Variants in ZNF394 observed in about 807,000 individuals in gnomAD.
ZNF394 encodes the protein zinc finger protein 394.
In ZNF394, 19 loss-of-function variants were observed where a neutral mutation model predicts 21.8. The observed-to-expected ratio is 0.87, with a 90% CI of 0.61 to 1.28. The LOEUF (loss-of-function observed/expected upper bound fraction) is 1.28. Ranked by LOEUF, ZNF394 falls within the 50% of genes most tolerant of loss-of-function variation. ZNF394 has a pLI of 0.00. For synonymous variants in ZNF394, 294 were observed against 273.3 expected, an observed-to-expected ratio of 1.08 and a Z score of -0.75; for missense variants, 683 against 708.6, an observed-to-expected ratio of 0.96 and a Z score of 0.41.
chr7:99,499,901 G>C lies in ZNF394; in HGVS notation c.193C>G (p.Leu65Val). The C allele has an allele frequency of 6.2e-7, 1 of 1,614,158 alleles. No homozygotes were observed. The highest frequency in any genetic ancestry group is 8.5e-7 in the Non-Finnish European group (1 of 1,180,036). The change falls in exon 1 of 3, where the codon CTG becomes GTG. Residue 65 changes from leucine to valine, a missense_variant. By Grantham distance (32) the Leu-to-Val change is conservative. Coordinates refer to ENST00000337673, the MANE Select transcript of ZNF394 (RefSeq NM_032164.4). ...AASPDPETSRLHFRQLRYQEV... is the reference protein window; with the variant it reads ...AASPDPETSRVHFRQLRYQEV... Reference sequence around the variant, plus strand: ...TGGTAACGCAGCTGCCTAAAGTGCAGTCGAGAAGTTTCGGGGTCCGGCGAA... The same window carrying C: ...TGGTAACGCAGCTGCCTAAAGTGCACTCGAGAAGTTTCGGGGTCCGGCGAA...
chr7:99,492,252 C>G (rs955339162), downstream of ZNF394, among the ~76,000 whole-genome samples: 1 of 151,932 alleles, frequency 6.6e-6, no homozygotes, highest in African/African-American at 2.4e-5. Flanking sequence ...TAGTTGAAAC[C>G]CTCTCTACAA....
chr7:99,492,508 G>A (rs916085209), downstream of ZNF394, among the ~76,000 whole-genome samples: 3 of 151,592 alleles, frequency 2.0e-5, no homozygotes, highest in Non-Finnish European at 4.4e-5. Flanking sequence ...GGCATGGCAT[G>A]GTGCACCTGT....
chr7:99,487,550 T>G (rs1382112550), intron 1 of ZNF394: 2 of 1,524,428 alleles, frequency 1.3e-6, no homozygotes, highest in Non-Finnish European at 1.8e-6. Context: ...CAAGTGTGTA[T>G]CACGTAATTG....
At chr7:99,487,163 G>T (rs1184945113) in intron 1 of ZNF394, 1 of 1,614,170 alleles carries the variant, frequency 6.2e-7, no homozygotes, top group South Asian at 1.1e-5. Context: ...TGCCTTGAGT[G>T]TGGAAAAGCC....
intron 1 of ZNF394, chr7:99,487,041 G>A: frequency 6.2e-7 from 1 of 1,613,950 alleles, no homozygotes; most frequent in Non-Finnish European, 8.5e-7. Flanking sequence ...AACATAAGAG[G>A]ATTCACACCA....
chr7:99,488,999 A>C (rs1800098793), downstream of ZNF394, among the ~76,000 whole-genome samples: 1 of 150,920 alleles, frequency 6.6e-6, no homozygotes, highest in South Asian at 2.1e-4. Context: ...AAGAGTTGTA[A>C]GTCAGCCCGG....
At chr7:99,497,879 CA>C (rs1800387179) in intron 2 of ZNF394, 1 of 151,976 alleles carries the variant, frequency 6.6e-6, no homozygotes, top group African/African-American at 2.4e-5. Flanking sequence ...CCCCCAAAGC[CA>C]AAGATAAAAA....
intron 2 of ZNF394, 62 bp from the exon 3 acceptor site, chr7:99,494,693 T>A: frequency 3.3e-6 from 5 of 1,509,078 alleles, no homozygotes; most frequent in Non-Finnish European, 8.8e-7. Flanking sequence ...AATAAGCAAG[T>A]GCTGGCAGAA....
chr7:99,490,146 C>CTTTTTT (rs943034221), downstream of ZNF394, among the ~76,000 whole-genome samples: 37 of 89,234 alleles, frequency 4.1e-4, no homozygotes, highest in East Asian at 1.2e-3. Context: ...AAAACCTCAT[C>CTTTTTT]TTTTTTTTTT....
downstream of ZNF394, among the ~76,000 whole-genome samples, chr7:99,490,666 C>T (rs545071214): frequency 6.0e-5 from 9 of 148,998 alleles, no homozygotes; most frequent in African/African-American, 2.0e-4. Flanking sequence ...TTTGTATTTA[C>T]GATTCTCTCC....
downstream of ZNF394, among the ~76,000 whole-genome samples, chr7:99,491,091 G>A (rs73711294): frequency 0.054 from 8,276 of 152,196 alleles, 254 homozygotes; most frequent in African/African-American, 0.084. Flanking sequence ...ATCAGGGAGA[G>A]AGTGGTCTCC....
chr7:99,496,112 TTAGTAGGTATTA>T (rs1300063931), intron 2 of ZNF394, among the ~76,000 whole-genome samples: 1 of 150,608 alleles, frequency 6.6e-6, no homozygotes, highest in Non-Finnish European at 1.5e-5. Flanking sequence ...AGTAGGTATT[TTAGTAGGTATTA>T]TAGTAGGTAT....
At chr7:99,492,159 C>G (rs1429933651), downstream of ZNF394, among the ~76,000 whole-genome samples, 1 of 151,164 alleles carries the variant, frequency 6.6e-6, no homozygotes, top group African/African-American at 2.4e-5. Flanking sequence ...AGGGACTATG[C>G]AAAATTAGGT....
chr7:99,496,379 C>T (rs1000067207), intron 2 of ZNF394, among the ~76,000 whole-genome samples: 1 of 151,548 alleles, frequency 6.6e-6, no homozygotes, highest in East Asian at 1.9e-4. Context: ...TGAGCAAAGC[C>T]CTGAAACTTT....
intron 1 of ZNF394, among the ~76,000 whole-genome samples, chr7:99,487,964 C>CTT: frequency 6.9e-6 from 1 of 145,148 alleles, no homozygotes; most frequent in Non-Finnish European, 1.5e-5. Context: ...CCCAGCTATG[C>CTT]GGGAGGCTGA....
intron 1 of ZNF394, among the ~76,000 whole-genome samples, chr7:99,487,935 G>T (rs1215049185): frequency 6.6e-6 from 1 of 152,124 alleles, no homozygotes; most frequent in Non-Finnish European, 1.5e-5. Context: ...AGCCGGGTGT[G>T]GTGGCAGGCG....
At chr7:99,491,763 A>AAGAC (rs1800164821), downstream of ZNF394, among the ~76,000 whole-genome samples, 2 of 91,486 alleles carry the variant, frequency 2.2e-5, no homozygotes, top group African/African-American at 1.0e-4. Context: ...GCGACAGAGA[A>AAGAC]TCTGTCTCAA....
At chr7:99,498,591 G>C in intron 2 of ZNF394, 125 bp downstream of exon 2, 1 of 1,406,428 alleles carries the variant, frequency 7.1e-7, no homozygotes, top group South Asian at 1.3e-5. Flanking sequence ...TCCTGCTTGC[G>C]TTACAGAAGG....
At chr7:99,498,555 A>T in intron 2 of ZNF394, 161 bp downstream of exon 2, 1 of 909,188 alleles carries the variant, frequency 1.1e-6, no homozygotes, top group East Asian at 2.9e-5. Flanking sequence ...TAAAAAGCTG[A>T]ATCTAGCACC....
Sources: gnomAD v4.1 joint callset for allele counts (sites outside exome capture counted in the v4.1 genomes callset) on GRCh38, gnomAD v4.1.1 for gene constraint, MANE v1.5 for transcripts, NCBI Gene and HGNC (gene_info 2026-07-23, HGNC 2026-07-21) for gene names.